LRCH1: variants seen among roughly 807,000 people sequenced by gnomAD.
LRCH1 encodes the protein leucine-rich repeat and calponin homology domain-containing protein 1.
LRCH1 carries 23 observed loss-of-function variants against 94.9 expected under a neutral mutation model. That is an observed-to-expected ratio of 0.24 (90% confidence interval 0.17 to 0.34). The LOEUF (loss-of-function observed/expected upper bound fraction) is 0.34. Ranked by LOEUF, LRCH1 falls within the 10% of genes least tolerant of loss-of-function variation. The pLI, the probability that LRCH1 is intolerant of heterozygous loss-of-function variation, is 1.00. For missense variants in LRCH1, 790 were observed against 945.9 expected (o/e 0.84, Z 2.16); for synonymous variants, 364 against 354.9 (o/e 1.03, Z -0.29).
rs1036458006 is a variant in LRCH1, at chr13:46,742,764, G to C, written c.*916G>C. The C allele has an allele frequency of 1.0e-5, 10 of 985,430 alleles. No individual in the cohort carries two copies. In the African/African-American group the frequency reaches 1.7e-4, roughly 17 times the overall value. The allele number at this position is 985,430 out of a possible 1,614,324, so 61.0% of individuals were successfully genotyped here. On this transcript the variant is annotated 3_prime_UTR_variant, in exon 20 of 20. Transcript: ENST00000389797. ...TCGACTCTATTCATTTTCAAATAAAGCCATGAGCCGTGGAACATTCTTGGT... is the reference window on the plus strand; with the variant it reads ...TCGACTCTATTCATTTTCAAATAAACCCATGAGCCGTGGAACATTCTTGGT...
intron 11 of LRCH1, among the ~76,000 whole-genome samples, chr13:46,704,575 C>T (rs1319083821): frequency 1.3e-5 from 2 of 151,980 alleles, no homozygotes; most frequent in South Asian, 2.1e-4. Flanking sequence ...AAATCTTCAT[C>T]TCTTAAAATA....
downstream of LRCH1, among the ~76,000 whole-genome samples, chr13:46,748,556 G>A (rs546684469): frequency 6.6e-6 from 1 of 152,270 alleles, no homozygotes; most frequent in South Asian, 2.1e-4. Flanking sequence ...GTGCCGGGGA[G>A]GCTGGACACT....
chr13:46,630,699 G>C (rs1285104556), intron 1 of LRCH1, among the ~76,000 whole-genome samples: 1 of 152,224 alleles, frequency 6.6e-6, no homozygotes, highest in Non-Finnish European at 1.5e-5. Flanking sequence ...TTGAGGATTT[G>C]AATGCATGGG....
chr13:46,678,059 A>G (rs959415764), intron 3 of LRCH1, among the ~76,000 whole-genome samples: 1 of 152,220 alleles, frequency 6.6e-6, no homozygotes, highest in Non-Finnish European at 1.5e-5. Flanking sequence ...ATAAGCTGAT[A>G]AATTCTTACT....
chr13:46,555,912 T>C (rs796272133), intron 1 of LRCH1, among the ~76,000 whole-genome samples: 3 of 152,340 alleles, frequency 2.0e-5, no homozygotes, highest in African/African-American at 4.8e-5. Context: ...AGTTTCTTAT[T>C]TGAGAGACCA....
intron 13 of LRCH1, among the ~76,000 whole-genome samples, chr13:46,709,573 TC>T (rs1431525638): frequency 6.6e-6 from 1 of 152,212 alleles, no homozygotes; most frequent in East Asian, 1.9e-4. Flanking sequence ...CTTTGAGCTT[TC>T]ACTCTCATAG....
chr13:46,723,374 A>G, intron 17 of LRCH1, 44 bp downstream of exon 17: 1 of 1,363,350 alleles, frequency 7.3e-7, no homozygotes, highest in Non-Finnish European at 1.0e-6. Flanking sequence ...TTTAAGCAAC[A>G]TTCTACATTT....
intron 1 of LRCH1, among the ~76,000 whole-genome samples, chr13:46,560,994 C>A (rs1273704674): frequency 6.6e-6 from 1 of 152,170 alleles, no homozygotes; most frequent in African/African-American, 2.4e-5. Flanking sequence ...CTTACTCCAG[C>A]CATGCAATAG....
chr13:46,723,249 A>G lies in LRCH1; in HGVS notation c.1788A>G (p.Glu596=). ...NVFLRPQRNL[E]SIDPQFTIRR... ...TTCTAAGACCTCAGAGAAATTTGGAATCTATAGACCCGCAGTTTACAATCC... is the reference window on the plus strand; with the variant it reads ...TTCTAAGACCTCAGAGAAATTTGGAGTCTATAGACCCGCAGTTTACAATCC... The change falls in exon 17 of 20, where the codon GAA becomes GAG. Residue 596 remains glutamate (E), a synonymous_variant. Transcript: ENST00000389797. 2.5e-6 allele frequency: 4 copies of G among 1,613,072 alleles called. No homozygotes were observed. The highest frequency in any genetic ancestry group is 3.4e-6 in the Non-Finnish European group (4 of 1,179,288).
chr13:46,694,736 C>T (rs760572392), intron 8 of LRCH1, among the ~76,000 whole-genome samples, 157 bp from the exon 9 acceptor site: 11 of 152,178 alleles, frequency 7.2e-5, no homozygotes, highest in Non-Finnish European at 1.5e-4. Context: ...TTTATCTTTT[C>T]CTCCCTGCAG....
chr13:46,628,976 T>G (rs534595146), intron 1 of LRCH1, among the ~76,000 whole-genome samples: 1 of 152,340 alleles, frequency 6.6e-6, no homozygotes, highest in South Asian at 2.1e-4. Flanking sequence ...TTTATCCATA[T>G]AGTAAGTTTT....
chr13:46,649,649 A>T (rs1412533877), intron 1 of LRCH1, among the ~76,000 whole-genome samples: 2 of 151,976 alleles, frequency 1.3e-5, no homozygotes, highest in Non-Finnish European at 2.9e-5. Flanking sequence ...GTTCATTTGT[A>T]AAGGATGTAA....
At chr13:46,660,261 A>G (rs1593332382) in intron 2 of LRCH1, among the ~76,000 whole-genome samples, 1 of 151,450 alleles carries the variant, frequency 6.6e-6, no homozygotes, top group African/African-American at 2.4e-5. Flanking sequence ...TGATCCACCC[A>G]CCTCGGCCTC....
At chr13:46,750,516 A>G (rs1311882529) in intron 18 of LRCH1, 3 of 1,449,982 alleles carry the variant, frequency 2.1e-6, no homozygotes, top group East Asian at 2.5e-5. Flanking sequence ...CTAAAAATTG[A>G]TGTTTTATTC....
At position 46,655,349 on chromosome 13, in the gene LRCH1, A is replaced by G. The variant is rs571400720; in HGVS notation, c.452+5004A>G. Among the ~76,000 whole-genome samples the G allele has an allele frequency of 6.6e-5, 10 of 152,342 alleles. No individual in the cohort carries two copies. The South Asian group carries it at 2.1e-3, about 32-fold the overall frequency. On this transcript the variant is annotated intron_variant, in intron 2 of 19. Coordinates refer to ENST00000389797, the MANE Select transcript of LRCH1 (RefSeq NM_001164211.2). The stretch of plus-strand genomic sequence containing the variant: ...TTAAAAACACTTACATATTTTTCAC[A>G]TTTTCTCACATGACAGAAATGTTAT...
chr13:46,590,925 A>G (rs1292454355), intron 1 of LRCH1, among the ~76,000 whole-genome samples: 1 of 151,724 alleles, frequency 6.6e-6, no homozygotes, highest in Non-Finnish European at 1.5e-5. Context: ...TTTCTCTTTT[A>G]GGAGCTGAGA....
chr13:46,703,434 G>T (rs1315302135), intron 11 of LRCH1, among the ~76,000 whole-genome samples: 3 of 152,112 alleles, frequency 2.0e-5, no homozygotes, highest in Admixed American at 6.6e-5. Context: ...ATAAACTGCC[G>T]GTGGAGAAGT....
intron 1 of LRCH1, among the ~76,000 whole-genome samples, chr13:46,594,150 C>T (rs59050242): frequency 1.3e-5 from 2 of 151,914 alleles, no homozygotes; most frequent in East Asian, 3.9e-4. Context: ...CCTAGGCAGT[C>T]TGAGTCCCGA....
intron 1 of LRCH1, among the ~76,000 whole-genome samples, chr13:46,611,655 G>A (rs1043248375): frequency 6.6e-6 from 1 of 152,014 alleles, no homozygotes; most frequent in African/African-American, 2.4e-5. Flanking sequence ...TATGCTGTGA[G>A]TGTAAAATAC....
Sources: allele counts gnomAD v4.1 joint callset (sites outside exome capture counted in the v4.1 genomes callset), GRCh38; gene constraint gnomAD v4.1.1; transcripts MANE v1.5; gene names NCBI Gene and HGNC (gene_info 2026-07-23, HGNC 2026-07-21).